Variants in VAV1 observed in about 807,000 individuals in gnomAD.
VAV1 encodes proto-oncogene vav.
Under a neutral mutation model 128.1 loss-of-function variants are expected in VAV1, and 33 were observed. The ratio of observed to expected loss-of-function variants is 0.26; its 90% confidence interval spans 0.20 to 0.34. The LOEUF (loss-of-function observed/expected upper bound fraction) is 0.34. Among genes scored for constraint, VAV1 ranks in the 10% least tolerant of loss-of-function variants. The pLI is 1.00. For synonymous variants in VAV1, 394 were observed against 409.8 expected (o/e 0.96, Z 0.47); for missense variants, 715 against 1,093.7 (o/e 0.65, Z 4.88).
chr19:6,800,587 G>A (rs1434670936), intron 1 of VAV1, among the ~76,000 whole-genome samples: 1 of 151,900 alleles, frequency 6.6e-6, no homozygotes, highest in Non-Finnish European at 1.5e-5. Flanking sequence ...TGGGATTACA[G>A]GCATGAGCCA....
chr19:6,816,051 G>A (rs1248385880), intron 1 of VAV1, among the ~76,000 whole-genome samples: 7 of 137,410 alleles, frequency 5.1e-5, no homozygotes, highest in African/African-American at 1.7e-4. Flanking sequence ...ACGGAGTCTC[G>A]CTCTGTCGCC....
At position 6,777,280 on chromosome 19, in the gene VAV1, TCC is replaced by T. The variant is rs1970668005; in HGVS notation, c.204+4270_204+4271del. 3.1e-5 allele frequency among the ~76,000 whole-genome samples: 4 copies of T among 128,308 alleles called. No individual in the cohort carries two copies. In the Admixed American group the frequency reaches 3.1e-4, roughly 10 times the overall value. 84.2% of individuals were successfully genotyped at this position (128,308 alleles called of 152,430 possible). On this transcript the variant is annotated intron_variant, in intron 1 of 26. Coordinates refer to ENST00000602142, the MANE Select transcript of VAV1 (RefSeq NM_005428.4). The surrounding 1 kb of genome is among the most constrained non-coding windows in gnomAD (Gnocchi z 4.4). ...ATCCATCCATCCATCCATCCATCCA[TCC>T]ATCCAGCAATGACAAGGTCTGCCAG...
At chr19:6,779,755 A>G (rs999820019) in intron 1 of VAV1, among the ~76,000 whole-genome samples, 2 of 149,952 alleles carry the variant, frequency 1.3e-5, no homozygotes, top group African/African-American at 4.9e-5. Context: ...GCTCATGCCT[A>G]TAATCCTAGC....
Position 6,828,360 on chromosome 19 carries a change from C to T in VAV1, c.1024-59C>T. 6.2e-7 allele frequency: 1 copy of T among 1,603,968 alleles called. No individual in the cohort carries two copies. The highest frequency in any genetic ancestry group is 8.5e-7 in the Non-Finnish European group (1 of 1,172,198). ...GGTGAGCTAGCATTGTTTGGAAGGC[C>T]CTCCCCGCAGGGAGAAGGGGAGGGG... On this transcript the variant is annotated intron_variant, in intron 10 of 26. Coordinates refer to ENST00000602142, the MANE Select transcript of VAV1 (RefSeq NM_005428.4). The surrounding 1 kb of genome is among the most constrained non-coding windows in gnomAD (Gnocchi z 4.5).
chr19:6,831,951 C>T, intron 14 of VAV1, 140 bp from the exon 15 acceptor site: 2 of 646,118 alleles, frequency 3.1e-6, no homozygotes, highest in Non-Finnish European at 5.2e-6. Flanking sequence ...AGCCCTTTTA[C>T]AAGGATATCC....
rs564252463 is a variant in VAV1, at chr19:6,802,837, T to A, written c.205-17865T>A. 2.6e-3 allele frequency among the ~76,000 whole-genome samples: 391 copies of A among 152,316 alleles called. 1 individual carries two copies. The highest frequency in any genetic ancestry group is 9.0e-3 in the African/African-American group (372 of 41,560). ...GTATCCCCTCTCTGAGCCTCAGTTG[T>A]TTCCTCTGTCAAAGGGAGATTTATT... On this transcript the variant is annotated intron_variant, in intron 1 of 26. Transcript: ENST00000602142.
At chr19:6,843,674 A>T (rs1408146512) in intron 22 of VAV1, among the ~76,000 whole-genome samples, 1 of 152,164 alleles carries the variant, frequency 6.6e-6, no homozygotes, top group Non-Finnish European at 1.5e-5. Flanking sequence ...TAATGACAGT[A>T]TCTACTTCAT....
Position 6,828,039 on chromosome 19 carries a change from C to A in VAV1, c.928-37C>A, listed in dbSNP as rs1341817835. The A allele has an allele frequency of 1.3e-6, 2 of 1,594,726 alleles. No homozygotes were observed. The highest frequency in any genetic ancestry group is 1.7e-6 in the Non-Finnish European group (2 of 1,162,766). On this transcript the variant is annotated intron_variant, in intron 9 of 26. Transcript: ENST00000602142. This position sits in a 1 kb window ranked among gnomAD's most constrained non-coding sequence, Gnocchi z 4.5. ...ACCCTGCAACTGGCTGTTTCTGGGA[C>A]CTGCCTCAGTTTCCCCATTGTTCTC...
intron 24 of VAV1, among the ~76,000 whole-genome samples, chr19:6,851,060 G>T (rs1197069111): frequency 6.6e-6 from 1 of 151,882 alleles, no homozygotes; most frequent in Non-Finnish European, 1.5e-5. Flanking sequence ...ACATACATAT[G>T]TATGTATGTG....
At chr19:6,824,517 G>A (rs559914042) in intron 6 of VAV1, among the ~76,000 whole-genome samples, 3 of 151,990 alleles carry the variant, frequency 2.0e-5, no homozygotes, top group African/African-American at 7.2e-5. Flanking sequence ...ATATTCCATT[G>A]TATGGATGGA....
At chr19:6,797,572 G>A (rs1008471666) in intron 1 of VAV1, among the ~76,000 whole-genome samples, 2 of 150,778 alleles carry the variant, frequency 1.3e-5, no homozygotes, top group East Asian at 2.0e-4. Flanking sequence ...GCGTGGTGAC[G>A]CATGCCTGTA....
intron 6 of VAV1, among the ~76,000 whole-genome samples, chr19:6,824,308 CTT>C (rs985941068): frequency 6.6e-6 from 1 of 152,042 alleles, no homozygotes; most frequent in Non-Finnish European, 1.5e-5. Context: ...CCTTCAATCT[CTT>C]ATCTTCCCCC....
At chr19:6,803,129 G>T (rs889815686) in intron 1 of VAV1, among the ~76,000 whole-genome samples, 1 of 152,172 alleles carries the variant, frequency 6.6e-6, no homozygotes. Flanking sequence ...ATTCCAGGGC[G>T]AGCTGGAGGT....
chr19:6,828,617 C>T lies in VAV1; in HGVS notation c.1093-5C>T. The T allele has an allele frequency of 1.9e-6, 3 of 1,613,954 alleles. No individual in the cohort carries two copies. Among genetic ancestry groups the T allele is most frequent in the Non-Finnish European group, 2.5e-6 (3 of 1,179,938 alleles). On this transcript the variant is annotated splice_polypyrimidine_tract_variant and splice_region_variant and intron_variant, in intron 11 of 26. Transcript: ENST00000602142. The surrounding 1 kb of genome is among the most constrained non-coding windows in gnomAD (Gnocchi z 4.5). ...GGGCCAGGTTCACCCCTGCCCCCTC[C>T]CCAGGACCTGGCTCAGTGCGTGAAC...
intron 1 of VAV1, among the ~76,000 whole-genome samples, chr19:6,806,212 G>A (rs1429690997): frequency 1.3e-5 from 2 of 152,044 alleles, no homozygotes; most frequent in Non-Finnish European, 2.9e-5. Context: ...TCAGCCTCCC[G>A]AGTAGCTGGG....
In VAV1 at chr19:6,832,165, G is replaced by A; in HGVS notation, c.1473G>A (p.Leu491=). ...AGCTGTTCTTCAAGACAAGAGAATT[G>A]AAGAAGAAGTGGATGGAGCAGTTTG... ...GYELFFKTRE[L]KKKWMEQFEM... Residue 491 remains leucine (L), a synonymous_variant, in exon 15 of 27, where the codon TTG becomes TTA. Coordinates refer to ENST00000602142, the MANE Select transcript of VAV1 (RefSeq NM_005428.4). 6.2e-7 allele frequency: 1 copy of A among 1,614,140 alleles called. No homozygotes were observed. Among genetic ancestry groups the A allele is most frequent in the Non-Finnish European group, 8.5e-7 (1 of 1,180,000 alleles).
chr19:6,834,958 G>T (rs1972184870), intron 19 of VAV1, among the ~76,000 whole-genome samples: 1 of 151,642 alleles, frequency 6.6e-6, no homozygotes, highest in Non-Finnish European at 1.5e-5. Context: ...CGGGGTTCTT[G>T]CTTGAGCCCA....
chr19:6,821,617 C>T lies in VAV1; in HGVS notation c.322-5C>T, dbSNP rs1203429283. On this transcript the variant is annotated splice_region_variant and splice_polypyrimidine_tract_variant and intron_variant, in intron 2 of 26. Coordinates refer to ENST00000602142, the MANE Select transcript of VAV1 (RefSeq NM_005428.4). ...GCTCACTGAGTGGCCACTGCCCCGTCACAGGTCATCTACACCCTGTCTGCT... is the reference window on the plus strand; with the variant it reads ...GCTCACTGAGTGGCCACTGCCCCGTTACAGGTCATCTACACCCTGTCTGCT... 6.2e-7 allele frequency: 1 copy of T among 1,614,084 alleles called. No homozygotes were observed. The highest frequency in any genetic ancestry group is 1.1e-5 in the South Asian group (1 of 91,080).
chr19:6,783,881 G>A (rs1002911082), intron 1 of VAV1, among the ~76,000 whole-genome samples: 2 of 152,050 alleles, frequency 1.3e-5, no homozygotes, highest in African/African-American at 2.4e-5. Flanking sequence ...TTGGTTGGAC[G>A]CAAAGAAGTC....
Sources: allele counts gnomAD v4.1 joint callset (sites outside exome capture counted in the v4.1 genomes callset), GRCh38; gene constraint gnomAD v4.1.1; non-coding constraint Gnocchi (gnomAD v3.1); transcripts MANE v1.5; gene names NCBI Gene and HGNC (gene_info 2026-07-23, HGNC 2026-07-21).